CDH10: variants seen among roughly 807,000 people sequenced by gnomAD.
CDH10 encodes cadherin-10.
A neutral mutation model predicts 73.1 loss-of-function variants in CDH10; 30 were observed. The ratio of observed to expected loss-of-function variants is 0.41; its 90% CI spans 0.31 to 0.56. The LOEUF (loss-of-function observed/expected upper bound fraction) is 0.56, where lower values mean the gene tolerates loss of function less well. Ranked by LOEUF, CDH10 falls within the 20% of genes least tolerant of loss-of-function variation. The pLI, the probability that CDH10 is intolerant of heterozygous loss-of-function variation, is 0.27. For missense variants in CDH10, 815 were observed against 973.7 expected (o/e 0.84, Z 2.17); for synonymous variants, 345 against 348.2 (o/e 0.99, Z 0.10).
At chr5:24,518,837 C>A in intron 5 of CDH10, among the ~76,000 whole-genome samples, 1 of 143,956 alleles carries the variant, frequency 6.9e-6, no homozygotes, top group African/African-American at 2.6e-5. Context: ...ATGGTAATTT[C>A]TAAGTTTATC....
intron 1 of CDH10, among the ~76,000 whole-genome samples, chr5:24,629,280 T>A (rs1401784180): frequency 6.6e-6 from 1 of 152,134 alleles, no homozygotes; most frequent in East Asian, 1.9e-4. Flanking sequence ...TATAAAAACA[T>A]CTCAGTATTT....
intron 7 of CDH10, 102 bp downstream of exon 7, chr5:24,509,464 C>T (rs1347787424): frequency 2.0e-6 from 2 of 996,138 alleles, no homozygotes; most frequent in African/African-American, 1.6e-5. Flanking sequence ...TGGTCTCGAA[C>T]TCCTGACCTC....
intron 8 of CDH10, among the ~76,000 whole-genome samples, chr5:24,501,962 T>A (rs144635401): frequency 1.4e-3 from 210 of 151,990 alleles, no homozygotes; most frequent in South Asian, 0.01. Context: ...TCTGTCGCCC[T>A]GGCTGCAGTG....
At chr5:24,524,514 A>G (rs1197266982) in intron 5 of CDH10, among the ~76,000 whole-genome samples, 1 of 152,032 alleles carries the variant, frequency 6.6e-6, no homozygotes, top group East Asian at 1.9e-4. Flanking sequence ...TCTTACAGTG[A>G]TGAAGCTTTA....
chr5:24,577,311 A>G (rs1467318206), intron 2 of CDH10, among the ~76,000 whole-genome samples: 1 of 152,144 alleles, frequency 6.6e-6, no homozygotes, highest in African/African-American at 2.4e-5. Flanking sequence ...CAAGAGGGGA[A>G]GTGAGTTGTG....
At chr5:24,504,506 C>T (rs1477519924) in intron 8 of CDH10, among the ~76,000 whole-genome samples, 3 of 65,140 alleles carry the variant, frequency 4.6e-5, no homozygotes, top group East Asian at 5.4e-4. Flanking sequence ...TCCTATTAAT[C>T]TTTTTTTTTT....
intron 2 of CDH10, among the ~76,000 whole-genome samples, chr5:24,568,219 C>A (rs115043432): frequency 6.6e-6 from 1 of 151,786 alleles, no homozygotes; most frequent in African/African-American, 2.4e-5. Context: ...TTTGGAAATA[C>A]GACATCCATA....
intron 5 of CDH10, among the ~76,000 whole-genome samples, chr5:24,512,898 A>G (rs2319475): frequency 0.48 from 72,398 of 151,680 alleles, 17,369 homozygotes; most frequent in East Asian, 0.58. Context: ...TTTTGCATTT[A>G]GTCACTTCCA....
At position 24,584,864 on chromosome 5, in the gene CDH10, T is replaced by C. The variant is rs55711617; in HGVS notation, c.231+8396A>G. Reference sequence around the variant, plus strand: ...AAATATAGCTTTTTTTTTTCCCCCCTGATACAAGGTCTCACTCTGTCATCC... The same window carrying C: ...AAATATAGCTTTTTTTTTTCCCCCCCGATACAAGGTCTCACTCTGTCATCC... On this transcript the variant is annotated intron_variant, in intron 2 of 11. Transcript: ENST00000264463. Among the ~76,000 whole-genome samples, 591 of 150,702 alleles carry C rather than the reference T, an allele frequency of 3.9e-3. 2 individuals are homozygous for C. The highest frequency in any genetic ancestry group is 0.013 in the African/African-American group (549 of 40,992).
At chr5:24,635,344 C>A (rs745639121) in intron 1 of CDH10, among the ~76,000 whole-genome samples, 3 of 151,974 alleles carry the variant, frequency 2.0e-5, no homozygotes, top group Non-Finnish European at 4.4e-5. Context: ...AACATTACTG[C>A]AGTGTATTCA....
intron 1 of CDH10, among the ~76,000 whole-genome samples, chr5:24,625,547 G>GTA (rs371944787): frequency 0.067 from 6,059 of 90,316 alleles, 183 homozygotes; most frequent in East Asian, 0.096. Flanking sequence ...TTATCTATCT[G>GTA]TATATATATA....
chr5:24,533,692 T>C (rs574491072), intron 5 of CDH10, among the ~76,000 whole-genome samples: 3 of 152,182 alleles, frequency 2.0e-5, no homozygotes, highest in East Asian at 1.9e-4. Context: ...CAAAAATACT[T>C]GTAAAATGTG....
chr5:24,598,138 A>G (rs1171254943), intron 1 of CDH10, among the ~76,000 whole-genome samples: 2 of 152,030 alleles, frequency 1.3e-5, no homozygotes, highest in South Asian at 2.1e-4. Flanking sequence ...TACTAAATGC[A>G]TACTAAATAC....
intron 1 of CDH10, among the ~76,000 whole-genome samples, chr5:24,634,689 T>C (rs1287038465): frequency 6.6e-6 from 1 of 151,762 alleles, no homozygotes; most frequent in Admixed American, 6.6e-5. Flanking sequence ...AGTATAACTT[T>C]CAGCTAGGTT....
intron 5 of CDH10, among the ~76,000 whole-genome samples, chr5:24,534,088 C>T (rs1271697962): frequency 6.6e-6 from 1 of 151,900 alleles, no homozygotes; most frequent in Non-Finnish European, 1.5e-5. Context: ...TTTAAAGAGT[C>T]AAAACAATGC....
chr5:24,515,167 G>T (rs1399009300), intron 5 of CDH10, among the ~76,000 whole-genome samples: 3 of 152,046 alleles, frequency 2.0e-5, no homozygotes, highest in Non-Finnish European at 2.9e-5. Context: ...CAACACTTAT[G>T]TGCTAATAAA....
At chr5:24,523,924 C>T (rs1374287038) in intron 5 of CDH10, among the ~76,000 whole-genome samples, 1 of 152,052 alleles carries the variant, frequency 6.6e-6, no homozygotes, top group East Asian at 1.9e-4. Flanking sequence ...GATGATCTAT[C>T]AGTTCTTTTC....
chr5:24,545,374 G>T (rs1040512346), intron 2 of CDH10, among the ~76,000 whole-genome samples: 2 of 152,168 alleles, frequency 1.3e-5, no homozygotes, highest in African/African-American at 4.8e-5. Flanking sequence ...TTTAAAAGAA[G>T]ATCACAGAAA....
chr5:24,626,806 G>A (rs969314278), intron 1 of CDH10, among the ~76,000 whole-genome samples: 2 of 150,032 alleles, frequency 1.3e-5, no homozygotes, highest in African/African-American at 2.4e-5. Flanking sequence ...GTGTGTGTGT[G>A]TGTGTGTGTG....
Sources: gnomAD v4.1 joint callset for allele counts (sites outside exome capture counted in the v4.1 genomes callset) on GRCh38, gnomAD v4.1.1 for gene constraint, MANE v1.5 for transcripts, NCBI Gene and HGNC (gene_info 2026-07-23, HGNC 2026-07-21) for gene names.